MAPK8IP2: variants seen among roughly 807,000 people sequenced by gnomAD.
MAPK8IP2 encodes the protein C-Jun-amino-terminal kinase-interacting protein 2.
In MAPK8IP2, 15 loss-of-function variants were observed where a neutral mutation model predicts 75.6. The ratio of observed to expected loss-of-function variants is 0.20; its 90% CI spans 0.13 to 0.31. MAPK8IP2 has a LOEUF of 0.31. Ranked by LOEUF, MAPK8IP2 falls within the 10% of genes least tolerant of loss-of-function variation. The pLI, the probability that MAPK8IP2 is intolerant of heterozygous loss-of-function variation, is 1.00. For synonymous variants in MAPK8IP2, 632 were observed against 554.5 expected (o/e 1.14, Z -1.96); for missense variants, 1,089 against 1,211.2 (o/e 0.90, Z 1.50).
In MAPK8IP2 at chr22:50,605,420, G is replaced by C; in HGVS notation, c.1818G>C (p.Glu606Asp). Residue 606 changes from glutamate to aspartate, a missense_variant, in exon 6 of 12, where the codon GAG becomes GAC. By Grantham distance (45) the Glu-to-Asp change is conservative. Transcript: ENST00000329492. ...GTCTGGTCAACGGCGAGGAGCGAGAGCAGACTCACCGGGCTGTGTTCAGGT... is the reference window on the plus strand; with the variant it reads ...GTCTGGTCAACGGCGAGGAGCGAGACCAGACTCACCGGGCTGTGTTCAGGT... ...FSCLVNGEER[E>D]QTHRAVFRFI... 1 of 1,613,694 alleles carries C rather than the reference G, an allele frequency of 6.2e-7. No homozygotes were observed. Among genetic ancestry groups the C allele is most frequent in the Non-Finnish European group, 8.5e-7 (1 of 1,179,850 alleles).
chr22:50,606,528 C>A, intron 8 of MAPK8IP2, 130 bp from the exon 9 acceptor site: 2 of 704,874 alleles, frequency 2.8e-6, no homozygotes, highest in Admixed American at 2.1e-5. Context: ...TCCAGAATTG[C>A]ATCTCAGGGT....
rs916058968 is a variant in MAPK8IP2 at position 50,604,148 on chromosome 22, A to AAGC, written c.859_861dup (p.Ser287dup). 4 of 1,555,142 alleles carry AAGC rather than the reference A, an allele frequency of 2.6e-6. No individual in the cohort carries two copies. In the African/African-American group the frequency reaches 4.1e-5, roughly 16 times the overall value. ...AGCTGGAGCTGAGCAGCGATGGCGG[A>AAGC]AGCAGCAGCAGCGGCCGCTCCTCGC... On this transcript the variant is annotated inframe_insertion, in exon 5 of 12. Coordinates refer to ENST00000329492, the MANE Select transcript of MAPK8IP2 (RefSeq NM_012324.6).
At position 50,611,018 on chromosome 22, in the gene MAPK8IP2, T is replaced by C; in HGVS notation, c.*239T>C. On this transcript the variant is annotated 3_prime_UTR_variant, in exon 12 of 12. Transcript: ENST00000329492. This position sits in a 1 kb window ranked among gnomAD's most constrained non-coding sequence, Gnocchi z 5.5. ...CCTCAGATCCGTTCTTTCTCTGTGT[T>C]GTCCTCCTCCTTCCCTTCCCAGTCT... 2.0e-6 allele frequency: 1 copy of C among 506,478 alleles called. No individual in the cohort carries two copies. The highest frequency in any genetic ancestry group is 3.5e-6 in the Non-Finnish European group (1 of 283,526). 31.4% of individuals were successfully genotyped at this position (506,478 alleles called of 1,614,324 possible). A position where few individuals can be genotyped will look rare whatever the true frequency, so the allele number is the denominator to read the frequency against.
chr22:50,601,619 A>C (rs1394977646), intron 1 of MAPK8IP2, among the ~76,000 whole-genome samples, 170 bp from the exon 2 acceptor site: 1 of 152,138 alleles, frequency 6.6e-6, no homozygotes, highest in Non-Finnish European at 1.5e-5. Context: ...GGGGATCCAC[A>C]GGCGAGCAGA....
intron 10 of MAPK8IP2, among the ~76,000 whole-genome samples, chr22:50,609,194 T>TGG (rs1185218786): frequency 1.3e-5 from 2 of 151,912 alleles, no homozygotes; most frequent in Non-Finnish European, 2.9e-5. Flanking sequence ...CAGGAGAGCG[T>TGG]GGGGTGTGCT....
At position 50,603,395 on chromosome 22, in the gene MAPK8IP2, G is replaced by A; in HGVS notation, c.344G>A (p.Gly115Asp). The change falls in exon 3 of 12, where the codon GGC (glycine) becomes GAC (aspartate). Residue 115 changes from glycine to aspartate, a missense_variant. Coordinates refer to ENST00000329492, the MANE Select transcript of MAPK8IP2 (RefSeq NM_012324.6). ...GAAGGCCAGGAGGGAGGAGACCCTG[G>A]CTCAGAGGCACCTGCCCCCGGGCCC... is the stretch of plus-strand genomic sequence containing the variant. ...DGEGQEGGDP[G>D]SEAPAPGPLI... 1 of 1,556,606 alleles carries A rather than the reference G, an allele frequency of 6.4e-7. No individual in the cohort carries two copies. Among genetic ancestry groups the A allele is most frequent in the Non-Finnish European group, 8.7e-7 (1 of 1,151,310 alleles).
chr22:50,605,450 C>A lies in MAPK8IP2; in HGVS notation c.1841+7C>A. ...CTCACCGGGCTGTGTTCAGGTACGG[C>A]CTCCCTCCTTGCTGGCGGTGGCCCC... is the stretch of plus-strand genomic sequence containing the variant. On this transcript the variant is annotated splice_region_variant and intron_variant, in intron 6 of 11. Transcript: ENST00000329492. 1.2e-6 allele frequency: 2 copies of A among 1,613,216 alleles called. No individual in the cohort carries two copies. Among genetic ancestry groups the A allele is most frequent in the Non-Finnish European group, 1.7e-6 (2 of 1,179,588 alleles).
At position 50,607,423 on chromosome 22, in the gene MAPK8IP2, A is replaced by G. The variant is rs1425377134; in HGVS notation, c.2303+432A>G. 1.3e-5 allele frequency among the ~76,000 whole-genome samples: 2 copies of G among 152,124 alleles called. No individual in the cohort carries two copies. Among genetic ancestry groups the G allele is most frequent in the Non-Finnish European group, 2.9e-5 (2 of 68,016 alleles). On this transcript the variant is annotated intron_variant, in intron 10 of 11. Transcript: ENST00000329492. This position sits in a 1 kb window ranked among gnomAD's most constrained non-coding sequence, Gnocchi z 5.6. ...GGGCCCGCGTGTAAGGGGAGCAGCT[A>G]GAAATGCCGGGGAAGACCTGGACCC... is the stretch of plus-strand genomic sequence containing the variant.
Position 50,610,557 on chromosome 22 carries a change from C to A in MAPK8IP2, c.2403-150C>A. The A allele has an allele frequency of 1.4e-6, 1 of 721,202 alleles. No individual in the cohort carries two copies. The highest frequency in any genetic ancestry group is 1.7e-5 in the South Asian group (1 of 58,800). The allele number at this position is 721,202 out of a possible 1,614,324, so 44.7% of individuals were successfully genotyped here. A position where few individuals can be genotyped will look rare whatever the true frequency, so the allele number is the denominator to read the frequency against. ...TTGCTGGGCCAGGAGAGCTGAGGGTCACACTTGGGGGTGACATGGCCATGC... is the reference window on the plus strand; with the variant it reads ...TTGCTGGGCCAGGAGAGCTGAGGGTAACACTTGGGGGTGACATGGCCATGC... On this transcript the variant is annotated intron_variant, in intron 11 of 11. Transcript: ENST00000329492. This position sits in a 1 kb window ranked among gnomAD's most constrained non-coding sequence, Gnocchi z 4.3.
intron 10 of MAPK8IP2, chr22:50,609,582 C>T (rs901824439): frequency 1.7e-5 from 6 of 347,270 alleles, no homozygotes; most frequent in Middle Eastern, 1.0e-3. Context: ...GGGGAATGGA[C>T]GGGTCGGCCA....
rs760515242 is a variant in MAPK8IP2, at chr22:50,605,056, G to A, written c.1757G>A (p.Arg586Gln). The A allele has an allele frequency of 6.2e-7, 1 of 1,612,478 alleles. No individual in the cohort carries two copies. Among genetic ancestry groups the A allele is most frequent in the South Asian group, 1.1e-5 (1 of 91,068 alleles). ...FLNVFVNSTS[R>Q]SSSTESFGLF... ...AATGTCTTCGTCAACAGCACATCTC[G>A]GTCCTCCAGTGAGTGAGAGGTGGGG... Residue 586 changes from arginine to glutamine, a missense_variant, in exon 5 of 12, where the codon CGG becomes CAG. Physicochemically the swap from Arg to Gln is conservative, Grantham distance 43 (BLOSUM62 1). Coordinates refer to ENST00000329492, the MANE Select transcript of MAPK8IP2 (RefSeq NM_012324.6).
At position 50,601,903 on chromosome 22, in the gene MAPK8IP2, A is replaced by C; in HGVS notation, c.171+9A>C. 1 of 1,607,774 alleles carries C rather than the reference A, an allele frequency of 6.2e-7. No homozygotes were observed. The highest frequency in any genetic ancestry group is 1.1e-5 in the South Asian group (1 of 90,984). On this transcript the variant is annotated intron_variant, in intron 2 of 11. Coordinates refer to ENST00000329492, the MANE Select transcript of MAPK8IP2 (RefSeq NM_012324.6). ...CAGACCACTGTGAGAAGGTGGGAGA[A>C]GAGTTGGGGACACAGATCCAGCTCA...
Position 50,610,135 on chromosome 22 carries a change from TTC to T in MAPK8IP2, c.2304-71_2304-70del. 1.9e-6 allele frequency: 2 copies of T among 1,075,654 alleles called. No homozygotes were observed. Among genetic ancestry groups the T allele is most frequent in the Non-Finnish European group, 1.4e-6 (1 of 713,142 alleles). The allele number at this position is 1,075,654 out of a possible 1,614,324, so 66.6% of individuals were successfully genotyped here. A position where few individuals can be genotyped will look rare whatever the true frequency, so the allele number is the denominator to read the frequency against. ...TCCCCAAGCCCTTTGTTCCTGCCTC[TTC>T]TCTCTACATCATTTGTGGGGTGGCC... On this transcript the variant is annotated intron_variant, in intron 10 of 11. Transcript: ENST00000329492. The surrounding 1 kb of genome is among the most constrained non-coding windows in gnomAD (Gnocchi z 4.3).
chr22:50,604,089 C>G lies in MAPK8IP2; in HGVS notation c.790C>G (p.Leu264Val), dbSNP rs745845297. The G allele has an allele frequency of 1.9e-6, 3 of 1,548,436 alleles. No homozygotes were observed. Among genetic ancestry groups the G allele is most frequent in the Non-Finnish European group, 2.6e-6 (3 of 1,155,804 alleles). Residue 264 changes from leucine to valine, a missense_variant, in exon 5 of 12, where the codon CTG (leucine) becomes GTG (valine). Physicochemically the swap from Leu to Val is conservative, Grantham distance 32 (BLOSUM62 1). Coordinates refer to ENST00000329492, the MANE Select transcript of MAPK8IP2 (RefSeq NM_012324.6). ...CTCGGAGGACGCGGGCGGCGCGCGC[C>G]TGGGGCGCATGATCTCGTCCATCTC... ...SDSEDAGGAR[L>V]GRMISSISET...
In MAPK8IP2 at chr22:50,610,004, C is replaced by T. The variant is rs370602652; in HGVS notation, c.2304-208C>T. ...TGGTCATCATGGAATTAACTCAGAG[C>T]GTGAACTCTTGGTAGGTGCCCAGCC... On this transcript the variant is annotated intron_variant, in intron 10 of 11. Coordinates refer to ENST00000329492, the MANE Select transcript of MAPK8IP2 (RefSeq NM_012324.6). The surrounding 1 kb of genome is among the most constrained non-coding windows in gnomAD (Gnocchi z 4.3). 21 of 732,238 alleles carry T rather than the reference C, an allele frequency of 2.9e-5. 1 individual carries two copies. Among genetic ancestry groups the T allele is most frequent in the East Asian group, 5.1e-5 (2 of 38,846 alleles). 45.4% of individuals were successfully genotyped at this position (732,238 alleles called of 1,614,324 possible). A position where few individuals can be genotyped will look rare whatever the true frequency, so the allele number is the denominator to read the frequency against.
At chr22:50,601,497 G>C (rs1249554433) in intron 1 of MAPK8IP2, 1 of 377,548 alleles carries the variant, frequency 2.6e-6, no homozygotes, top group East Asian at 5.0e-5. Context: ...TGACCCCAGG[G>C]GCCTGGAGCT....
In MAPK8IP2 at chr22:50,610,957, G is replaced by T; in HGVS notation, c.*178G>T. ...CGGTCCCCAGGGCGCAGCTGTTGGG[G>T]CTGCGGGGGAGTGGAGCCCCCGTGC... On this transcript the variant is annotated 3_prime_UTR_variant, in exon 12 of 12. Coordinates refer to ENST00000329492, the MANE Select transcript of MAPK8IP2 (RefSeq NM_012324.6). This position sits in a 1 kb window ranked among gnomAD's most constrained non-coding sequence, Gnocchi z 4.3. The T allele has an allele frequency of 1.7e-6, 1 of 574,948 alleles. No individual in the cohort carries two copies. The highest frequency in any genetic ancestry group is 3.1e-6 in the Non-Finnish European group (1 of 324,606). The allele number at this position is 574,948 out of a possible 1,614,324, so 35.6% of individuals were successfully genotyped here.
intron 8 of MAPK8IP2, 118 bp from the exon 9 acceptor site, chr22:50,606,540 C>G: frequency 1.3e-6 from 1 of 754,820 alleles, no homozygotes. Context: ...TCTCAGGGTC[C>G]TCAGCATGTG....
intron 2 of MAPK8IP2, 40 bp downstream of exon 2, chr22:50,601,934 G>A: frequency 1.3e-6 from 2 of 1,531,634 alleles, no homozygotes; most frequent in South Asian, 2.2e-5. Context: ...GCTCAAGGGA[G>A]GGCCTCATTA....
Sources: gnomAD v4.1 joint callset for allele counts (sites outside exome capture counted in the v4.1 genomes callset) on GRCh38, gnomAD v4.1.1 for gene constraint, Gnocchi (gnomAD v3.1) non-coding constraint, MANE v1.5 for transcripts, NCBI Gene and HGNC (gene_info 2026-07-23, HGNC 2026-07-21) for gene names.